The following FES variants were observed in gnomAD, a reference collection of about 807,000 sequenced individuals.
The protein encoded by FES is tyrosine-protein kinase Fes/Fps.
Under a neutral mutation model 109.6 loss-of-function variants are expected in FES, and 83 were observed. The ratio of observed to expected loss-of-function variants is 0.76; its 90% CI spans 0.63 to 0.91. FES has a LOEUF of 0.91. Ranked by LOEUF, FES falls within the 40% of genes least tolerant of loss-of-function variation. The pLI is 0.00. For missense variants in FES, 943 were observed against 1,070.9 expected (o/e 0.88, Z 1.67); for synonymous variants, 458 against 442.1 (o/e 1.04, Z -0.45).
At chr15:90,890,304 GC>G (rs2151259148) in intron 9 of FES, 26 bp downstream of exon 9, 1 of 1,586,514 alleles carries the variant, frequency 6.3e-7, no homozygotes, top group Non-Finnish European at 8.6e-7. Context: ...CGCGGCCGCT[GC>G]CCGCCACCGG....
intron 3 of FES, among the ~76,000 whole-genome samples, chr15:90,886,413 C>T (rs796112071): frequency 2.0e-5 from 3 of 152,194 alleles, no homozygotes; most frequent in Non-Finnish European, 4.4e-5. Flanking sequence ...CTGATCTAGT[C>T]GAGGAATCTA....
chr15:90,889,181 G>T lies in FES; in HGVS notation c.669-125G>T. Reference sequence around the variant, plus strand: ...TTAAATAATTTGCCTAGAGTGGCATGGCTAGCTCGAAGTGAGGCAGGGGTC... The same window carrying T: ...TTAAATAATTTGCCTAGAGTGGCATTGCTAGCTCGAAGTGAGGCAGGGGTC... On this transcript the variant is annotated intron_variant, in intron 5 of 18. Coordinates refer to ENST00000328850, the MANE Select transcript of FES (RefSeq NM_002005.4). The surrounding 1 kb of genome is among the most constrained non-coding windows in gnomAD (Gnocchi z 6.1). 1 of 1,287,240 alleles carries T rather than the reference G, an allele frequency of 7.8e-7. No individual in the cohort carries two copies. The allele number at this position is 1,287,240 out of a possible 1,614,324, so 79.7% of individuals were successfully genotyped here.
At chr15:90,893,548 G>A in intron 16 of FES, 106 bp from the exon 17 acceptor site, 3 of 1,493,578 alleles carry the variant, frequency 2.0e-6, no homozygotes, top group South Asian at 1.4e-5. Flanking sequence ...GTAGACAGGG[G>A]TGCCCAGGGC....
rs144792746 is a variant in FES, at chr15:90,889,470, G to A, written c.806+27G>A. 382 of 1,613,822 alleles carry A rather than the reference G, an allele frequency of 2.4e-4. 1 individual carries two copies. The African/African-American group carries it at 4.7e-3, about 20-fold the overall frequency. On this transcript the variant is annotated intron_variant, in intron 6 of 18. Transcript: ENST00000328850. The surrounding 1 kb of genome is among the most constrained non-coding windows in gnomAD (Gnocchi z 6.1). Reference sequence around the variant, plus strand: ...TAAGCCCCGTCCTTGCTCCTGCTGGGCCCAGGGCTGCTGGCCTGTCCACTG... The same window carrying A: ...TAAGCCCCGTCCTTGCTCCTGCTGGACCCAGGGCTGCTGGCCTGTCCACTG...
chr15:90,892,364 G>A, intron 13 of FES: 1 of 594,748 alleles, frequency 1.7e-6, no homozygotes, highest in Non-Finnish European at 3.0e-6. Context: ...TCGAGCTCTT[G>A]TGTGCACGCA....
chr15:90,886,019 A>C (rs936426861), intron 3 of FES, among the ~76,000 whole-genome samples: 2 of 152,222 alleles, frequency 1.3e-5, no homozygotes, highest in Non-Finnish European at 2.9e-5. Flanking sequence ...CGGGCCGTGA[A>C]GTCAGCCTGC....
Position 90,895,496 on chromosome 15 carries a change from C to G in FES, c.2407C>G (p.Gln803Glu), listed in dbSNP as rs374948116. The G allele has an allele frequency of 3.8e-6, 6 of 1,598,708 alleles. No individual in the cohort carries two copies. The African/African-American group carries it at 8.1e-5, about 21-fold the overall frequency. The change falls in exon 19 of 19, where the codon CAG becomes GAG. Residue 803 changes from glutamine (Q) to glutamate (E), a missense_variant. By Grantham distance (29) the Gln-to-Glu change is conservative (BLOSUM62 2). Transcript: ENST00000328850. ...GCAGTGCTGGGCCTATGAGCCTGGG[C>G]AGCGGCCCAGCTTCAGCACCATCTA... is the stretch of plus-strand genomic sequence containing the variant. Reference protein sequence around the residue: ...MEQCWAYEPGQRPSFSTIYQE... With the variant: ...MEQCWAYEPGERPSFSTIYQE...
rs1294077254 is a variant in FES, at chr15:90,895,741, C to T, written c.*183C>T. On this transcript the variant is annotated 3_prime_UTR_variant, in exon 19 of 19. Coordinates refer to ENST00000328850, the MANE Select transcript of FES (RefSeq NM_002005.4). ...CTGCTGCTGCCAGGGCTTCCTCTTCCGGGCAGAAACAATAAAACCACTTGT... is the reference window on the plus strand; with the variant it reads ...CTGCTGCTGCCAGGGCTTCCTCTTCTGGGCAGAAACAATAAAACCACTTGT... 2.4e-5 allele frequency: 12 copies of T among 492,498 alleles called. No individual in the cohort carries two copies. The highest frequency in any genetic ancestry group is 1.4e-4 in the East Asian group (4 of 28,856). 30.5% of individuals were successfully genotyped at this position (492,498 alleles called of 1,614,324 possible).
chr15:90,892,049 C>A lies in FES; in HGVS notation c.1654-9C>A. 1 of 1,614,164 alleles carries A rather than the reference C, an allele frequency of 6.2e-7. No homozygotes were observed. The highest frequency in any genetic ancestry group is 1.1e-5 in the South Asian group (1 of 91,090). On this transcript the variant is annotated splice_polypyrimidine_tract_variant and intron_variant, in intron 12 of 18. Transcript: ENST00000328850. Reference sequence around the variant, plus strand: ...AGACTTCTGATCCCCTGTCTCCTCTCTTCCCCAGGACAAGTGGGTGCTGAA... The same window carrying A: ...AGACTTCTGATCCCCTGTCTCCTCTATTCCCCAGGACAAGTGGGTGCTGAA...
intron 3 of FES, among the ~76,000 whole-genome samples, chr15:90,886,322 A>G (rs2032617412): frequency 6.6e-6 from 1 of 152,270 alleles, no homozygotes; most frequent in African/African-American, 2.4e-5. Flanking sequence ...CTACAATGAC[A>G]GAGTTGAGTA....
At chr15:90,885,328 T>C in intron 2 of FES, 70 bp downstream of exon 2, 8 of 1,598,606 alleles carry the variant, frequency 5.0e-6, no homozygotes, top group Non-Finnish European at 6.8e-6. Flanking sequence ...GGGGGCCCTC[T>C]GGGGCAGTGG....
chr15:90,893,623 G>C (rs753483217), intron 16 of FES, 31 bp from the exon 17 acceptor site: 21 of 1,539,194 alleles, frequency 1.4e-5, no homozygotes, highest in Non-Finnish European at 1.8e-5. Context: ...GCGACTGTTG[G>C]CCAAATGAGC....
At chr15:90,892,905 C>T (rs1435107671) in intron 14 of FES, 80 bp downstream of exon 14, 1 of 1,481,442 alleles carries the variant, frequency 6.8e-7, no homozygotes, top group East Asian at 2.3e-5. Flanking sequence ...AGTGCTTGAC[C>T]ACCGTGGTGG....
At chr15:90,894,534 G>A (rs2033531458) in intron 18 of FES, among the ~76,000 whole-genome samples, 2 of 152,112 alleles carry the variant, frequency 1.3e-5, no homozygotes, top group Admixed American at 6.6e-5. Flanking sequence ...GCAGTGAGCC[G>A]AGATTGTGCC....
intron 14 of FES, 91 bp from the exon 15 acceptor site, chr15:90,893,009 C>A: frequency 6.8e-7 from 1 of 1,467,116 alleles, no homozygotes; most frequent in Admixed American, 1.9e-5. Flanking sequence ...GGTCTGCTGG[C>A]CTTGGAGGCC....
intron 3 of FES, among the ~76,000 whole-genome samples, chr15:90,886,514 C>T (rs960685204): frequency 3.3e-5 from 5 of 152,210 alleles, no homozygotes; most frequent in South Asian, 2.1e-4. Flanking sequence ...ACACTGATCT[C>T]GGGCTGTCAT....
chr15:90,886,696 T>C (rs1052722210), intron 3 of FES, among the ~76,000 whole-genome samples: 1 of 152,226 alleles, frequency 6.6e-6, no homozygotes, highest in South Asian at 2.1e-4. Flanking sequence ...CGTGCACACC[T>C]GCAACTGGCC....
chr15:90,889,709 A>G lies in FES; in HGVS notation c.926+73A>G. The G allele has an allele frequency of 1.9e-6, 3 of 1,605,554 alleles. No individual in the cohort carries two copies. The highest frequency in any genetic ancestry group is 1.7e-6 in the Non-Finnish European group (2 of 1,177,538). ...CACGAGTGTTTATGTAGGCAGGGCTAGGTCGTGGAGACTGTCCACACAGAG... is the reference window on the plus strand; with the variant it reads ...CACGAGTGTTTATGTAGGCAGGGCTGGGTCGTGGAGACTGTCCACACAGAG... On this transcript the variant is annotated intron_variant, in intron 7 of 18. Coordinates refer to ENST00000328850, the MANE Select transcript of FES (RefSeq NM_002005.4). This position sits in a 1 kb window ranked among gnomAD's most constrained non-coding sequence, Gnocchi z 6.1.
At chr15:90,890,633 G>A (rs1208036249) in intron 10 of FES, 149 bp downstream of exon 10, 2 of 729,964 alleles carry the variant, frequency 2.7e-6, no homozygotes, top group Non-Finnish European at 4.5e-6. Flanking sequence ...CCCAGACCCT[G>A]CCCCTGTGAC....
Sources: allele counts gnomAD v4.1 joint callset (sites outside exome capture counted in the v4.1 genomes callset), GRCh38; gene constraint gnomAD v4.1.1; non-coding constraint Gnocchi (gnomAD v3.1); transcripts MANE v1.5; gene names NCBI Gene and HGNC (gene_info 2026-07-23, HGNC 2026-07-21).